The following DNAJC8 variants were observed in gnomAD, a reference collection of about 807,000 sequenced individuals.
DNAJC8 encodes dnaJ homolog subfamily C member 8.
A neutral mutation model predicts 43.2 loss-of-function variants in DNAJC8; 24 were observed. The ratio of observed to expected loss-of-function variants is 0.56; its 90% confidence interval spans 0.40 to 0.78. DNAJC8 has a LOEUF of 0.78. Among genes scored for constraint, DNAJC8 ranks in the 30% least tolerant of loss-of-function variants. DNAJC8 has a pLI of 0.00. For synonymous variants in DNAJC8, 83 were observed against 98.0 expected, an observed-to-expected ratio of 0.85 and a Z score of 0.90; for missense variants, 207 against 299.4, an observed-to-expected ratio of 0.69 and a Z score of 2.28.
At chr1:28,207,692 A>T (rs1490140149) in intron 6 of DNAJC8, among the ~76,000 whole-genome samples, 2 of 146,570 alleles carry the variant, frequency 1.4e-5, no homozygotes, top group East Asian at 4.6e-4. Flanking sequence ...TCCACCCGCC[A>T]CGGCCTCCCA....
At chr1:28,209,901 T>C in intron 5 of DNAJC8, 71 bp downstream of exon 5, 1 of 1,355,586 alleles carries the variant, frequency 7.4e-7, no homozygotes, top group African/African-American at 1.4e-5. Context: ...TATGTTCATA[T>C]GTACCCTTCT....
intron 2 of DNAJC8, among the ~76,000 whole-genome samples, chr1:28,217,698 C>G (rs1286611274): frequency 6.6e-6 from 1 of 151,810 alleles, no homozygotes; most frequent in African/African-American, 2.4e-5. Flanking sequence ...CCAACAAAAC[C>G]CAGAGGACGT....
intron 3 of DNAJC8, 26 bp from the exon 4 acceptor site, chr1:28,210,663 G>T (rs1371469287): frequency 1.3e-6 from 2 of 1,594,352 alleles, no homozygotes; most frequent in South Asian, 1.1e-5. Flanking sequence ...AGTTGGGGTT[G>T]TCAATAAGGG....
chr1:28,212,730 A>T (rs995828046), intron 3 of DNAJC8, among the ~76,000 whole-genome samples: 4 of 152,144 alleles, frequency 2.6e-5, no homozygotes, highest in Admixed American at 1.3e-4. Context: ...TATGTCGGGG[A>T]ATGAGAACAA....
At chr1:28,229,802 T>C (rs576801666) in intron 1 of DNAJC8, among the ~76,000 whole-genome samples, 64 of 151,170 alleles carry the variant, frequency 4.2e-4, no homozygotes, top group African/African-American at 1.5e-3. Context: ...GTAAGAGATT[T>C]CTCTGTGAGG....
At chr1:28,225,523 CAAAGT>C (rs1646928053) in intron 2 of DNAJC8, among the ~76,000 whole-genome samples, 1 of 150,704 alleles carries the variant, frequency 6.6e-6, no homozygotes, top group Admixed American at 6.6e-5. Context: ...AATTCATAGA[CAAAGT>C]AGAGTAGAGG....
At chr1:28,204,823 G>A (rs555284429) in intron 7 of DNAJC8, among the ~76,000 whole-genome samples, 3 of 152,276 alleles carry the variant, frequency 2.0e-5, no homozygotes, top group Non-Finnish European at 1.5e-5. Context: ...AGGAGATCGA[G>A]ACCATCCTGG....
At chr1:28,206,841 G>C (rs1646771945) in intron 6 of DNAJC8, among the ~76,000 whole-genome samples, 1 of 152,122 alleles carries the variant, frequency 6.6e-6, no homozygotes, top group Non-Finnish European at 1.5e-5. Flanking sequence ...AAATCTCTGT[G>C]ACTTCTCTTT....
At chr1:28,206,761 C>T (rs1395590370) in intron 6 of DNAJC8, among the ~76,000 whole-genome samples, 2 of 152,054 alleles carry the variant, frequency 1.3e-5, no homozygotes, top group East Asian at 1.9e-4. Context: ...TTTAATAGTG[C>T]CTAAATTCTA....
At chr1:28,215,235 AAAT>A (rs940705810) in intron 2 of DNAJC8, among the ~76,000 whole-genome samples, 32 of 152,314 alleles carry the variant, frequency 2.1e-4, no homozygotes, top group Non-Finnish European at 3.4e-4. Context: ...TTCATCATAA[AAAT>A]AATAATTTAT....
chr1:28,200,794 G>A lies in DNAJC8; in HGVS notation c.*454C>T. 1 of 395,530 alleles carries A rather than the reference G, an allele frequency of 2.5e-6. No individual in the cohort carries two copies. Among genetic ancestry groups the A allele is most frequent in the Non-Finnish European group, 5.0e-6 (1 of 200,610 alleles). The allele number at this position is 395,530 out of a possible 1,614,324, so 24.5% of individuals were successfully genotyped here. On this transcript the variant is annotated 3_prime_UTR_variant, in exon 9 of 9. Transcript: ENST00000263697. ...CCCTGTCTTATCTGGGCCTTCGAAG[G>A]GAGCACACCCAGAAGCGAGCAACTG...
chr1:28,204,559 A>C (rs1230676777), intron 7 of DNAJC8, among the ~76,000 whole-genome samples: 1 of 152,168 alleles, frequency 6.6e-6, no homozygotes, highest in Non-Finnish European at 1.5e-5. Flanking sequence ...AAGAGAAATC[A>C]TATTTTAGAA....
At chr1:28,214,791 T>G (rs781204810) in intron 3 of DNAJC8, 149 bp downstream of exon 3, 2 of 507,210 alleles carry the variant, frequency 3.9e-6, no homozygotes, top group Non-Finnish European at 7.0e-6. Flanking sequence ...TTATATATTA[T>G]TATGAGCTTT....
At position 28,212,272 on chromosome 1, in the gene DNAJC8, CTTTTTT is replaced by C. The variant is rs528978849; in HGVS notation, c.238-1641_238-1636del. On this transcript the variant is annotated intron_variant, in intron 3 of 8. Transcript: ENST00000263697. ...ATACATGAATATTCGTTGTTCTATT[CTTTTTT>C]TTTTTTTTTTTTTTGAGACAGAGTG... Among the ~76,000 whole-genome samples the C allele has an allele frequency of 5.2e-3, 472 of 90,946 alleles. 16 individuals are homozygous for C. Among genetic ancestry groups the C allele is most frequent in the African/African-American group, 0.012 (308 of 24,760 alleles). The allele number at this position is 90,946 out of a possible 152,430, so 59.7% of individuals were successfully genotyped here. A position where few individuals can be genotyped will look rare whatever the true frequency, so the allele number is the denominator to read the frequency against.
intron 6 of DNAJC8, among the ~76,000 whole-genome samples, chr1:28,207,301 C>G (rs1472402123): frequency 6.6e-6 from 1 of 152,048 alleles, no homozygotes; most frequent in Non-Finnish European, 1.5e-5. Context: ...TCACTTGAAC[C>G]TGGGAGGCAG....
rs149211638 is a variant in DNAJC8, at chr1:28,220,888, G to A, written c.181-5892C>T. On this transcript the variant is annotated intron_variant, in intron 2 of 8. Transcript: ENST00000263697. ...GAAGGTTTTTCTGAACTCCTGTTGC[G>A]TCTCAGGCTTTTAGGATATGGAGGG... Among the ~76,000 whole-genome samples the A allele has an allele frequency of 5.0e-3, 758 of 152,218 alleles. 7 individuals are homozygous for A. The highest frequency in any genetic ancestry group is 0.016 in the African/African-American group (684 of 41,542).
intron 8 of DNAJC8, 135 bp downstream of exon 8, chr1:28,203,612 C>A: frequency 1.2e-6 from 1 of 847,074 alleles, no homozygotes; most frequent in South Asian, 1.5e-5. Flanking sequence ...GCAGGCCCAG[C>A]CTCATTCTTC....
At chr1:28,205,235 T>TA (rs1416759266) in intron 7 of DNAJC8, 23 bp downstream of exon 7, 1 of 1,559,538 alleles carries the variant, frequency 6.4e-7, no homozygotes, top group South Asian at 1.1e-5. Flanking sequence ...AAATATGGTT[T>TA]AAATGAATAT....
At chr1:28,208,198 C>G in intron 6 of DNAJC8, 144 bp downstream of exon 6, 1 of 561,612 alleles carries the variant, frequency 1.8e-6, no homozygotes, top group East Asian at 3.6e-5. Context: ...AAGAGTGAAA[C>G]TCAGTCTCAA....
Sources: gnomAD v4.1 joint callset for allele counts (sites outside exome capture counted in the v4.1 genomes callset) on GRCh38, gnomAD v4.1.1 for gene constraint, MANE v1.5 for transcripts, NCBI Gene and HGNC (gene_info 2026-07-23, HGNC 2026-07-21) for gene names.